Variants in ITPKB observed in about 807,000 individuals in gnomAD.
The protein encoded by ITPKB is inositol-trisphosphate 3-kinase B, also known as IP3 3-kinase B.
In ITPKB, 13 loss-of-function variants were observed where a neutral mutation model predicts 69.4. That is an observed-to-expected ratio of 0.19 (90% CI 0.12 to 0.30). ITPKB has a LOEUF of 0.30. Ranked by LOEUF, ITPKB falls within the 10% of genes least tolerant of loss-of-function variation. ITPKB has a pLI of 1.00. For missense variants in ITPKB, 1,240 were observed against 1,250.5 expected, an observed-to-expected ratio of 0.99 and a Z score of 0.13; for synonymous variants, 584 against 513.7, an observed-to-expected ratio of 1.14 and a Z score of -1.85.
intron 2 of ITPKB, among the ~76,000 whole-genome samples, chr1:226,694,206 T>C (rs999151663): frequency 6.6e-6 from 1 of 152,218 alleles, no homozygotes; most frequent in African/African-American, 2.4e-5. Flanking sequence ...TCAGGAAGAA[T>C]GCCATAAAGA....
chr1:226,707,758 C>T (rs983826117), intron 2 of ITPKB: 63 of 1,060,998 alleles, frequency 5.9e-5, no homozygotes, highest in Non-Finnish European at 7.1e-5. Context: ...ATCCAATGGT[C>T]GTAGGGAAAC....
At chr1:226,737,706 G>C (rs1657843611) in intron 1 of ITPKB, 43 bp from the exon 2 acceptor site, 2 of 639,256 alleles carry the variant, frequency 3.1e-6, no homozygotes, top group African/African-American at 2.0e-5. Context: ...TGGAGGGCGC[G>C]CGGGGGGAGT....
chr1:226,634,559 T>G lies in ITPKB; in HGVS notation c.*112A>C. ...TCCTCTTCTACAAAGTGTCTTGTAGTGCAGTTCAGGAGGGTCAGTCAGGTG... is the reference window on the plus strand; with the variant it reads ...TCCTCTTCTACAAAGTGTCTTGTAGGGCAGTTCAGGAGGGTCAGTCAGGTG... On this transcript the variant is annotated 3_prime_UTR_variant, in exon 8 of 8. Coordinates refer to ENST00000429204, the MANE Select transcript of ITPKB (RefSeq NM_002221.4). The surrounding 1 kb of genome is among the most constrained non-coding windows in gnomAD (Gnocchi z 6.3). 1.6e-6 allele frequency: 1 copy of G among 628,466 alleles called. No individual in the cohort carries two copies. The highest frequency in any genetic ancestry group is 2.9e-6 in the Non-Finnish European group (1 of 342,778). The allele number at this position is 628,466 out of a possible 1,614,324, so 38.9% of individuals were successfully genotyped here. A position where few individuals can be genotyped will look rare whatever the true frequency, so the allele number is the denominator to read the frequency against.
At position 226,737,094 on chromosome 1, in the gene ITPKB, G is replaced by A. The variant is rs751919520; in HGVS notation, c.365C>T (p.Pro122Leu). 24 of 1,608,050 alleles carry A rather than the reference G, an allele frequency of 1.5e-5. No individual in the cohort carries two copies. The highest frequency in any genetic ancestry group is 1.9e-5 in the Non-Finnish European group (23 of 1,179,856). ...QVVAAGTLSP[P>L]GPEEAKRKLR... ...CTTCCTCTTGGCCTCCTCCGGCCCT[G>A]GCGGGGAGAGGGTACCGGCTGCCAC... is the stretch of plus-strand genomic sequence containing the variant. Residue 122 changes from proline (P) to leucine (L), a missense_variant, in exon 2 of 8, where the codon CCA becomes CTA. Coordinates refer to ENST00000429204, the MANE Select transcript of ITPKB (RefSeq NM_002221.4).
rs975702067 is a variant in ITPKB at position 226,634,975 on chromosome 1, G to A, written c.2626-89C>T. The A allele has an allele frequency of 4.2e-6, 4 of 951,228 alleles. No individual in the cohort carries two copies. The East Asian group carries it at 7.8e-5, about 19-fold the overall frequency. The allele number at this position is 951,228 out of a possible 1,614,324, so 58.9% of individuals were successfully genotyped here. On this transcript the variant is annotated intron_variant, in intron 7 of 7. Transcript: ENST00000429204. This position sits in a 1 kb window ranked among gnomAD's most constrained non-coding sequence, Gnocchi z 6.3. ...CGGGGCCTGGGTGACCAGGTGGGGA[G>A]GCTCGCTCAGGCCGGACAGTTGGGT...
chr1:226,708,204 A>C (rs943727632), intron 2 of ITPKB, among the ~76,000 whole-genome samples: 2 of 152,282 alleles, frequency 1.3e-5, no homozygotes, highest in African/African-American at 4.8e-5. Context: ...GTAAATACCT[A>C]GAATGAGTTA....
chr1:226,707,917 TA>T, intron 2 of ITPKB: 1 of 1,332,318 alleles, frequency 7.5e-7, no homozygotes, highest in South Asian at 1.2e-5. Context: ...AAGAAGTCAC[TA>T]AAGGGAGAAG....
intron 2 of ITPKB, among the ~76,000 whole-genome samples, chr1:226,685,880 G>A (rs1320393042): frequency 1.3e-5 from 2 of 152,316 alleles, no homozygotes; most frequent in African/African-American, 4.8e-5. Flanking sequence ...TGGGTGCCGC[G>A]GTGAGCTGTG....
chr1:226,684,364 G>A (rs1656153785), intron 2 of ITPKB, among the ~76,000 whole-genome samples: 1 of 152,218 alleles, frequency 6.6e-6, no homozygotes, highest in South Asian at 2.1e-4. Context: ...CCAGGGAGCA[G>A]AGCAGTCAAC....
chr1:226,698,327 T>C (rs1346618364), intron 2 of ITPKB, among the ~76,000 whole-genome samples: 1 of 152,192 alleles, frequency 6.6e-6, no homozygotes, highest in Non-Finnish European at 1.5e-5. Flanking sequence ...GAGCTGACCT[T>C]AGAGGCCAGA....
intron 2 of ITPKB, among the ~76,000 whole-genome samples, chr1:226,694,911 C>T (rs1250376285): frequency 6.6e-6 from 1 of 152,252 alleles, no homozygotes; most frequent in Admixed American, 6.5e-5. Context: ...GAATTTAGGT[C>T]TCCTCATTCT....
intron 2 of ITPKB, among the ~76,000 whole-genome samples, chr1:226,706,324 G>C (rs1222082406): frequency 7.9e-5 from 12 of 152,218 alleles, no homozygotes; most frequent in Admixed American, 7.9e-4. Context: ...TTTCCTCCAA[G>C]TTAAGTACAA....
In ITPKB at chr1:226,737,307, C is replaced by T. The variant is rs1379830706; in HGVS notation, c.152G>A (p.Gly51Glu). 1.3e-6 allele frequency: 2 copies of T among 1,579,430 alleles called. No individual in the cohort carries two copies. Among genetic ancestry groups the T allele is most frequent in the Non-Finnish European group, 1.7e-6 (2 of 1,169,658 alleles). The part of the protein sequence containing the change: ...VLSPGSVFSP[G>E]RGASFLFPPA... ...GGGGAAGAGGAAAGAGGCGCCTCTC[C>T]CGGGGCTGAAAACGCTGCCGGGGCT... is the stretch of plus-strand genomic sequence containing the variant. The change falls in exon 2 of 8, where the codon GGG (glycine) becomes GAG (glutamate). Residue 51 changes from glycine to glutamate, a missense_variant. Gly to Glu is a moderately conservative substitution (Grantham distance 98). Transcript: ENST00000429204.
chr1:226,638,202 C>A (rs1391491815), intron 6 of ITPKB, among the ~76,000 whole-genome samples: 3 of 152,216 alleles, frequency 2.0e-5, no homozygotes, highest in African/African-American at 4.8e-5. Flanking sequence ...GCACCAGGAA[C>A]AAACCCCAGG....
chr1:226,724,135 A>C (rs559896303), intron 2 of ITPKB, among the ~76,000 whole-genome samples: 18 of 152,030 alleles, frequency 1.2e-4, no homozygotes, highest in Non-Finnish European at 1.6e-4. Flanking sequence ...CATTATCCTC[A>C]TGTTAGAGAT....
Position 226,639,272 on chromosome 1 carries a change from G to A in ITPKB, c.2553+285C>T, listed in dbSNP as rs556527144. 2.6e-5 allele frequency among the ~76,000 whole-genome samples: 4 copies of A among 152,270 alleles called. No homozygotes were observed. The East Asian group carries it at 7.7e-4, about 29-fold the overall frequency. On this transcript the variant is annotated intron_variant, in intron 6 of 7. Transcript: ENST00000429204. ...GGAGTTTCACCATGTTGGCCAGGCT[G>A]GTCTCAAACTTCTGACCTCAGGTGA...
At chr1:226,660,821 A>G (rs1669389798) in intron 2 of ITPKB, among the ~76,000 whole-genome samples, 3 of 152,194 alleles carry the variant, frequency 2.0e-5, no homozygotes, top group Non-Finnish European at 4.4e-5. Flanking sequence ...TTCCTAATGG[A>G]TAAAGCCCAG....
At chr1:226,724,298 T>A (rs1171995757) in intron 2 of ITPKB, among the ~76,000 whole-genome samples, 1 of 152,062 alleles carries the variant, frequency 6.6e-6, no homozygotes, top group Non-Finnish European at 1.5e-5. Context: ...AGCACACACT[T>A]CCTACAAACC....
intron 6 of ITPKB, among the ~76,000 whole-genome samples, chr1:226,639,265 C>T (rs1015983353): frequency 2.6e-5 from 4 of 152,154 alleles, no homozygotes; most frequent in Non-Finnish European, 5.9e-5. Flanking sequence ...ACCATGTTGG[C>T]CAGGCTGGTC....
Sources: gnomAD v4.1 joint callset for allele counts (sites outside exome capture counted in the v4.1 genomes callset) on GRCh38, gnomAD v4.1.1 for gene constraint, Gnocchi (gnomAD v3.1) non-coding constraint, MANE v1.5 for transcripts, NCBI Gene and HGNC (gene_info 2026-07-23, HGNC 2026-07-21) for gene names.